CLOCK: variants seen among roughly 807,000 people sequenced by gnomAD.
CLOCK encodes circadian locomoter output cycles protein kaput.
CLOCK carries 43 observed loss-of-function variants against 118.4 expected under a neutral mutation model. The ratio of observed to expected loss-of-function variants is 0.36; its 90% CI spans 0.28 to 0.47. The LOEUF (loss-of-function observed/expected upper bound fraction) is 0.47, where lower values mean the gene tolerates loss of function less well. CLOCK is among the 20% of genes least tolerant of loss of function. The pLI, the probability that CLOCK is intolerant of heterozygous loss-of-function variation, is 1.00. For missense variants in CLOCK, 846 were observed against 999.9 expected (o/e 0.85, Z 2.08); for synonymous variants, 326 against 339.2 (o/e 0.96, Z 0.43).
Position 55,476,005 on chromosome 4 carries a change from A to C in CLOCK, c.306T>G (p.Pro102=), listed in dbSNP as rs746227319. Residue 102 remains proline (P), a synonymous_variant, in exon 7 of 23, where the codon CCT becomes CCG. Coordinates refer to ENST00000513440, the MANE Select transcript of CLOCK (RefSeq NM_004898.4). ...TAAACTCTTCATTACTAAGGAATGTAGGTTTCCAGTCCTGTCGAATTTCAC... is the reference window on the plus strand; with the variant it reads ...TAAACTCTTCATTACTAAGGAATGTCGGTTTCCAGTCCTGTCGAATTTCAC... ...DASEIRQDWK[P]TFLSNEEFTQ... 5.0e-6 allele frequency: 8 copies of C among 1,613,078 alleles called. No homozygotes were observed. The highest frequency in any genetic ancestry group is 6.8e-6 in the Non-Finnish European group (8 of 1,179,168).
chr4:55,455,719 A>C (rs1724872888), intron 13 of CLOCK, among the ~76,000 whole-genome samples, 178 bp downstream of exon 13: 2 of 152,240 alleles, frequency 1.3e-5, no homozygotes, highest in South Asian at 4.1e-4. Context: ...AATAGGAACA[A>C]GTTTAAACTT....
At chr4:55,435,717 C>T in intron 22 of CLOCK, 123 bp from the exon 23 acceptor site, 3 of 950,310 alleles carry the variant, frequency 3.2e-6, no homozygotes, top group South Asian at 2.7e-5. Context: ...ATGCATATCA[C>T]TTTCACTCTC....
At chr4:55,525,338 G>A (rs111857278) in intron 1 of CLOCK, among the ~76,000 whole-genome samples, 5,126 of 152,198 alleles carry the variant, frequency 0.034, 104 homozygotes, top group Non-Finnish European at 0.054. Flanking sequence ...AGCCAGACAT[G>A]GTGGCACACG....
In CLOCK at chr4:55,450,181, C is replaced by T. The variant is rs1324870335; in HGVS notation, c.1258G>A (p.Ala420Thr). 4 of 1,613,860 alleles carry T rather than the reference C, an allele frequency of 2.5e-6. No individual in the cohort carries two copies. The highest frequency in any genetic ancestry group is 3.4e-6 in the Non-Finnish European group (4 of 1,179,964). The change falls in exon 16 of 23, where the codon GCA (alanine) becomes ACA (threonine). Residue 420 changes from alanine (A) to threonine (T), a missense_variant. Ala to Thr is a moderately conservative substitution (Grantham distance 58, BLOSUM62 0). Coordinates refer to ENST00000513440, the MANE Select transcript of CLOCK (RefSeq NM_004898.4). ...NRINTVSLKE[A>T]LERFDHSPTP... is the part of the protein sequence containing the mutation. ...GGGCTGTGATCAAACCTTTCCAATGCTTCCTTGAGACTGACTGTGTTTATA... is the reference window on the plus strand; with the variant it reads ...GGGCTGTGATCAAACCTTTCCAATGTTTCCTTGAGACTGACTGTGTTTATA...
At chr4:55,448,435 T>C (rs1043595080) in intron 18 of CLOCK, among the ~76,000 whole-genome samples, 1 of 152,210 alleles carries the variant, frequency 6.6e-6, no homozygotes, top group African/African-American at 2.4e-5. Context: ...AAGACTCTTA[T>C]GCATCCTGAA....
intron 18 of CLOCK, among the ~76,000 whole-genome samples, 178 bp downstream of exon 18, chr4:55,448,601 C>CGTGTGTGTGTGTGTGTGTGTGTGTGT (rs3034980): frequency 8.5e-6 from 1 of 116,980 alleles, no homozygotes. Flanking sequence ...CGCACGCGCG[C>CGTGTGTGTGTGTGTGTGTGTGTGTGT]GTGTGTGTGT....
At chr4:55,469,851 G>A (rs1462380681) in intron 8 of CLOCK, among the ~76,000 whole-genome samples, 1 of 152,018 alleles carries the variant, frequency 6.6e-6, no homozygotes, top group African/African-American at 2.4e-5. Context: ...TGGGACCACA[G>A]GTGCATACCA....
In CLOCK at chr4:55,475,956, GA is replaced by G. The variant is rs1447866033; in HGVS notation, c.348+6del. ...ATAAAACTTTCAAAAATTAAATCTG[GA>G]CATACCTCTAACATTAATTGTGTAA... On this transcript the variant is annotated splice_donor_region_variant and intron_variant, in intron 7 of 22. Coordinates refer to ENST00000513440, the MANE Select transcript of CLOCK (RefSeq NM_004898.4). 6.3e-7 allele frequency: 1 copy of G among 1,594,978 alleles called. No homozygotes were observed. Among genetic ancestry groups the G allele is most frequent in the East Asian group, 2.2e-5 (1 of 44,748 alleles).
intron 16 of CLOCK, 123 bp downstream of exon 16, chr4:55,449,968 A>T: frequency 8.2e-7 from 1 of 1,217,502 alleles, no homozygotes; most frequent in Non-Finnish European, 1.2e-6. Context: ...AAAGGTTACT[A>T]CATTTCAGAA....
Position 55,470,898 on chromosome 4 carries a change from A to G in CLOCK, c.349-92T>C, listed in dbSNP as rs572533542. ...TTTGAGATAAATGACAAAGGATTTA[A>G]TATGGAAATATCCAAAGTTCTGTCA... On this transcript the variant is annotated intron_variant, in intron 7 of 22. Transcript: ENST00000513440. 1.6e-4 allele frequency: 141 copies of G among 855,314 alleles called. 2 individuals carry two copies. In the South Asian group the frequency reaches 2.0e-3, roughly 12 times the overall value. The allele number at this position is 855,314 out of a possible 1,614,324, so 53.0% of individuals were successfully genotyped here. A position where few individuals can be genotyped will look rare whatever the true frequency, so the allele number is the denominator to read the frequency against.
At chr4:55,544,165 G>GACACACACACAC (rs35842826) in intron 1 of CLOCK, among the ~76,000 whole-genome samples, 6 of 148,210 alleles carry the variant, frequency 4.0e-5, no homozygotes, top group African/African-American at 1.5e-4. Context: ...GAAACAACCA[G>GACACACACACAC]ACACACACAC....
intron 11 of CLOCK, 40 bp downstream of exon 11, chr4:55,458,852 G>T: frequency 7.0e-7 from 1 of 1,427,194 alleles, no homozygotes; most frequent in Non-Finnish European, 9.9e-7. Context: ...CTCAGCATAT[G>T]AACTGAAATC....
In CLOCK at chr4:55,453,794, T is replaced by C. The variant is rs1218398186; in HGVS notation, c.1013A>G (p.Tyr338Cys). Residue 338 changes from tyrosine to cysteine, a missense_variant, in exon 14 of 23, where the codon TAT (tyrosine) becomes TGT (cysteine). This residue lies in a region of CLOCK where 66 missense variants were observed against 99.4 expected (regional missense o/e 0.66). Coordinates refer to ENST00000513440, the MANE Select transcript of CLOCK (RefSeq NM_004898.4). ...LMQYGKGKSC[Y>C]YRFLTKGQQW... is the part of the protein sequence containing the mutation. ...TTGCCCCTTAGTCAGGAACCTATAA[T>C]AACATGATTTGCCTTTCCCATATTG... The C allele has an allele frequency of 3.7e-6, 6 of 1,607,512 alleles. No homozygotes were observed. The highest frequency in any genetic ancestry group is 5.1e-6 in the Non-Finnish European group (6 of 1,176,654).
At chr4:55,463,604 T>A (rs1725523599) in intron 9 of CLOCK, 81 bp downstream of exon 9, 1 of 1,428,154 alleles carries the variant, frequency 7.0e-7, no homozygotes, top group Admixed American at 1.7e-5. Flanking sequence ...TTTAAAGAAG[T>A]CTGTATTTTT....
chr4:55,543,812 TA>T (rs1359291195), intron 1 of CLOCK, among the ~76,000 whole-genome samples: 2 of 152,062 alleles, frequency 1.3e-5, no homozygotes, highest in East Asian at 1.9e-4. Flanking sequence ...ATTCCATTTT[TA>T]AAAAAGATTG....
Position 55,463,760 on chromosome 4 carries a change from C to T in CLOCK, c.484G>A (p.Glu162Lys), listed in dbSNP as rs1725534353. 6.2e-7 allele frequency: 1 copy of T among 1,612,000 alleles called. No homozygotes were observed. The highest frequency in any genetic ancestry group is 8.5e-7 in the Non-Finnish European group (1 of 1,178,566). Residue 162 changes from glutamate (E) to lysine (K), a missense_variant, in exon 9 of 23, where the codon GAA becomes AAA. Physicochemically the swap from Glu to Lys is moderately conservative, Grantham distance 56. Coordinates refer to ENST00000513440, the MANE Select transcript of CLOCK (RefSeq NM_004898.4). The part of the protein sequence containing the change: ...QSIFNFIPEG[E>K]HSEVYKILST... ...AGTATTTTATAAACCTCTGAATGTTCCCCTTCTGGGATAAAATTAAATATA... is the reference window on the plus strand; with the variant it reads ...AGTATTTTATAAACCTCTGAATGTTTCCCTTCTGGGATAAAATTAAATATA...
chr4:55,513,418 G>A (rs1455984222), intron 1 of CLOCK, among the ~76,000 whole-genome samples: 1 of 152,080 alleles, frequency 6.6e-6, no homozygotes, highest in Non-Finnish European at 1.5e-5. Flanking sequence ...TCTCATCTCA[G>A]AATGTATCCC....
At chr4:55,438,710 A>G (rs1448329587) in intron 21 of CLOCK, among the ~76,000 whole-genome samples, 173 bp from the exon 22 acceptor site, 1 of 152,234 alleles carries the variant, frequency 6.6e-6, no homozygotes, top group African/African-American at 2.4e-5. Context: ...TTGGTGTAAC[A>G]GTAAAACAAA....
chr4:55,531,922 C>CA lies in CLOCK; in HGVS notation c.-290+14859dup, dbSNP rs1400233290. On this transcript the variant is annotated intron_variant, in intron 1 of 22. Transcript: ENST00000513440. ...ATGTTAAAAAAAACAAAAACAAAAA[C>CA]AAAAAAAACCCCAGCAAACCAAATT... Among the ~76,000 whole-genome samples the CA allele has an allele frequency of 5.5e-5, 8 of 144,922 alleles. No homozygotes were observed. In the South Asian group the frequency reaches 1.1e-3, roughly 20 times the overall value.
Sources: gnomAD v4.1 joint callset for allele counts (sites outside exome capture counted in the v4.1 genomes callset) on GRCh38, gnomAD v4.1.1 for gene constraint, gnomAD v4.1.1 regional missense constraint, MANE v1.5 for transcripts, NCBI Gene and HGNC (gene_info 2026-07-23, HGNC 2026-07-21) for gene names.